MYO18B: variants seen among roughly 807,000 people sequenced by gnomAD.
MYO18B encodes unconventional myosin-XVIIIb.
In MYO18B, 204 loss-of-function variants were observed where a neutral mutation model predicts 273.0. That is an observed-to-expected ratio of 0.75 (90% CI 0.67 to 0.84). MYO18B has a LOEUF of 0.84. MYO18B is among the 40% of genes least tolerant of loss of function. MYO18B has a pLI of 0.00. For missense variants in MYO18B, 3,212 were observed against 3,287.6 expected (o/e 0.98, Z 0.56); for synonymous variants, 1,330 against 1,305.7 (o/e 1.02, Z -0.40).
At position 25,874,332 on chromosome 22, in the gene MYO18B, A is replaced by G. The variant is rs979402243; in HGVS notation, c.3998A>G (p.Glu1333Gly). The G allele has an allele frequency of 6.2e-7, 1 of 1,613,926 alleles. No individual in the cohort carries two copies. Among genetic ancestry groups the G allele is most frequent in the Non-Finnish European group, 8.5e-7 (1 of 1,179,876 alleles). ...GVISRLEKQR[E>G]KLVSQSIVLF... is the part of the protein sequence containing the mutation. ...ATCTCCAGGCTTGAGAAGCAGCGAG[A>G]GAAGCTGGTATCTCAGAGCATCGTT... is the stretch of plus-strand genomic sequence containing the variant. Residue 1333 changes from glutamate to glycine, a missense_variant, in exon 23 of 44, where the codon GAG (glutamate) becomes GGG (glycine). Glu to Gly is a moderately conservative substitution (Grantham distance 98). Coordinates refer to ENST00000335473, the MANE Select transcript of MYO18B (RefSeq NM_032608.7).
chr22:25,898,193 A>G, intron 28 of MYO18B, 114 bp from the exon 29 acceptor site: 1 of 1,208,476 alleles, frequency 8.3e-7, no homozygotes, highest in Non-Finnish European at 1.1e-6. Context: ...TCCCCATTCC[A>G]GCATCTGCTG....
At chr22:25,921,650 G>A (rs2092343630) in intron 34 of MYO18B, among the ~76,000 whole-genome samples, 2 of 152,032 alleles carry the variant, frequency 1.3e-5, no homozygotes, top group Non-Finnish European at 2.9e-5. Context: ...CTTCTGTCTG[G>A]AAGGCTTGGG....
Position 25,878,024 on chromosome 22 carries a change from G to T in MYO18B, c.4290G>T (p.Gln1430His). 6.3e-7 allele frequency: 1 copy of T among 1,583,478 alleles called. No individual in the cohort carries two copies. Among genetic ancestry groups the T allele is most frequent in the East Asian group, 2.3e-5 (1 of 43,426 alleles). Reference sequence around the variant, plus strand: ...AGAAGTTGCGGAATGAACTCCGGCAGAACACAGATCTGCTAGAAAGCAAGG... The same window carrying T: ...AGAAGTTGCGGAATGAACTCCGGCATAACACAGATCTGCTAGAAAGCAAGG... ...KSEKLRNELR[Q>H]NTDLLESKIA... The change falls in exon 25 of 44, where the codon CAG becomes CAT. Residue 1430 changes from glutamine (Q) to histidine (H), a missense_variant. By Grantham distance (24) the Gln-to-His change is conservative. Transcript: ENST00000335473.
chr22:25,914,267 G>A (rs1298816492), intron 33 of MYO18B, among the ~76,000 whole-genome samples: 1 of 151,956 alleles, frequency 6.6e-6, no homozygotes, highest in African/African-American at 2.4e-5. Flanking sequence ...TCTTATTTAG[G>A]TTCTACAACA....
In MYO18B at chr22:26,008,008, G is replaced by A. The variant is rs75653385; in HGVS notation, c.6470+3153G>A. Among the ~76,000 whole-genome samples, 492 of 152,154 alleles carry A rather than the reference G, an allele frequency of 3.2e-3. 9 individuals carry two copies. In the East Asian group the frequency reaches 0.045, roughly 14 times the overall value. On this transcript the variant is annotated intron_variant, in intron 42 of 43. Transcript: ENST00000335473. ...TACATGTACTTGTAGCAAATATATA[G>A]CATATTTGTGAGATTTTTAAAAACA...
chr22:25,991,293 TCACCCAGGGTTTCAGACTCAG>T (rs2093268049), intron 39 of MYO18B, among the ~76,000 whole-genome samples: 1 of 152,186 alleles, frequency 6.6e-6, no homozygotes, highest in African/African-American at 2.4e-5. Flanking sequence ...ATGCTGGGTC[TCACCCAGGGTTTCAGACTCAG>T]CACCGTGGAC....
At chr22:25,776,914 C>T (rs2086937192) in intron 7 of MYO18B, among the ~76,000 whole-genome samples, 1 of 152,090 alleles carries the variant, frequency 6.6e-6, no homozygotes, top group African/African-American at 2.4e-5. Flanking sequence ...CCAGTTGCTC[C>T]TCATCTTCAC....
chr22:25,835,152 G>T, intron 16 of MYO18B, 144 bp from the exon 17 acceptor site: 2 of 934,884 alleles, frequency 2.1e-6, no homozygotes, highest in South Asian at 1.8e-5. Context: ...TGGGGTGATT[G>T]GGAGCATGGT....
chr22:25,878,513 C>A, intron 25 of MYO18B, among the ~76,000 whole-genome samples: 1 of 152,122 alleles, frequency 6.6e-6, no homozygotes, highest in African/African-American at 2.4e-5. Context: ...GGCAAACACT[C>A]CAATAAGAAC....
intron 12 of MYO18B, among the ~76,000 whole-genome samples, chr22:25,801,634 G>C (rs898940420): frequency 5.2e-4 from 79 of 152,176 alleles, no homozygotes; most frequent in Non-Finnish European, 8.8e-5. Flanking sequence ...CAGAGGCTCA[G>C]AGAAGGTATG....
At chr22:25,997,120 C>T (rs943751225) in intron 40 of MYO18B, among the ~76,000 whole-genome samples, 9 of 151,676 alleles carry the variant, frequency 5.9e-5, no homozygotes, top group Admixed American at 3.3e-4. Context: ...GTCAGGAGTT[C>T]GAGCCCCGCC....
At chr22:25,757,427 C>A (rs879322822) in intron 1 of MYO18B, among the ~76,000 whole-genome samples, 6 of 151,506 alleles carry the variant, frequency 4.0e-5, no homozygotes, top group Non-Finnish European at 8.8e-5. Context: ...GAAACCCCAT[C>A]TCTACAAAAA....
At chr22:25,783,090 T>C (rs940319954) in intron 10 of MYO18B, among the ~76,000 whole-genome samples, 7 of 152,226 alleles carry the variant, frequency 4.6e-5, no homozygotes, top group Non-Finnish European at 7.3e-5. Flanking sequence ...CAGACAATAC[T>C]TCTTAAAATA....
Position 25,992,448 on chromosome 22 carries a change from A to T in MYO18B, c.6242A>T (p.Gln2081Leu). The T allele has an allele frequency of 6.2e-7, 1 of 1,613,988 alleles. No homozygotes were observed. The highest frequency in any genetic ancestry group is 8.5e-7 in the Non-Finnish European group (1 of 1,179,896). The part of the protein sequence containing the change: ...ETSIRRIADL[Q>L]AALEEVASSD... The stretch of plus-strand genomic sequence containing the variant: ...TCCATTCGGCGGATTGCCGACCTGC[A>T]GGCTGCCTTGGAAGAAGTGGCATCC... Residue 2081 changes from glutamine to leucine, a missense_variant, in exon 40 of 44, where the codon CAG (glutamine) becomes CTG (leucine). Gln to Leu is a moderately radical substitution (Grantham distance 113). Transcript: ENST00000335473.
At chr22:26,021,964 G>T (rs1935855069) in intron 42 of MYO18B, among the ~76,000 whole-genome samples, 1 of 152,174 alleles carries the variant, frequency 6.6e-6, no homozygotes, top group Non-Finnish European at 1.5e-5. Flanking sequence ...CATCTTTGTG[G>T]CTGGATGCTT....
chr22:25,904,058 A>G (rs1481109541), intron 31 of MYO18B, among the ~76,000 whole-genome samples: 1 of 152,130 alleles, frequency 6.6e-6, no homozygotes, highest in Non-Finnish European at 1.5e-5. Context: ...TGCCTTAATC[A>G]TCTTGCAAAT....
chr22:25,771,232 C>T (rs1274087183), intron 6 of MYO18B, among the ~76,000 whole-genome samples: 1 of 152,200 alleles, frequency 6.6e-6, no homozygotes, highest in Non-Finnish European at 1.5e-5. Context: ...CATCAAAGAA[C>T]ATGTTTGTCA....
chr22:25,797,520 C>T (rs2087970726), intron 11 of MYO18B, among the ~76,000 whole-genome samples: 1 of 152,122 alleles, frequency 6.6e-6, no homozygotes, highest in Non-Finnish European at 1.5e-5. Flanking sequence ...TACCTATAGA[C>T]CCTATATGGC....
chr22:25,820,766 G>GT (rs1247064970), intron 12 of MYO18B, among the ~76,000 whole-genome samples: 4 of 152,102 alleles, frequency 2.6e-5, no homozygotes, highest in African/African-American at 7.2e-5. Context: ...ACACTAGAAC[G>GT]TATTTCTCCT....
Sources: allele counts gnomAD v4.1 joint callset (sites outside exome capture counted in the v4.1 genomes callset), GRCh38; gene constraint gnomAD v4.1.1; transcripts MANE v1.5; gene names NCBI Gene and HGNC (gene_info 2026-07-23, HGNC 2026-07-21).